The following SIK3 variants were observed in gnomAD, a reference collection of about 807,000 sequenced individuals.
The protein encoded by SIK3 is SIK family kinase 3.
Under a neutral mutation model 144.2 loss-of-function variants are expected in SIK3, and 28 were observed. The observed-to-expected ratio is 0.19, with a 90% CI of 0.14 to 0.27. The LOEUF (loss-of-function observed/expected upper bound fraction) is 0.27, where lower values mean the gene tolerates loss of function less well. Ranked by LOEUF, SIK3 falls within the 10% of genes least tolerant of loss-of-function variation. The probability of loss-of-function intolerance (pLI) is 1.00; values close to 1 mark genes in which losing one functional copy is unlikely to be tolerated. For synonymous variants in SIK3, 686 were observed against 676.3 expected (o/e 1.01, Z -0.22); for missense variants, 1,319 against 1,776.0 (o/e 0.74, Z 4.62).
At chr11:116,986,152 T>C (rs1179649194) in intron 1 of SIK3, among the ~76,000 whole-genome samples, 1 of 152,146 alleles carries the variant, frequency 6.6e-6, no homozygotes, top group Non-Finnish European at 1.5e-5. Flanking sequence ...TTCTAAAAAT[T>C]ATACTCTAAA....
At chr11:117,039,603 C>T (rs577432918) in intron 1 of SIK3, among the ~76,000 whole-genome samples, 12 of 152,212 alleles carry the variant, frequency 7.9e-5, no homozygotes, top group African/African-American at 2.6e-4. Flanking sequence ...TGACTAAAAT[C>T]GAAAGGTCCA....
At chr11:116,862,162 A>G in intron 17 of SIK3, 40 bp downstream of exon 17, 1 of 1,613,868 alleles carries the variant, frequency 6.2e-7, no homozygotes, top group East Asian at 2.2e-5. Flanking sequence ...CTGAAAGCAA[A>G]CTCCAAACAA....
chr11:117,047,453 T>C (rs543824253), intron 1 of SIK3, among the ~76,000 whole-genome samples: 4 of 152,298 alleles, frequency 2.6e-5, no homozygotes, highest in South Asian at 4.2e-4. Flanking sequence ...GAAGGTGGAC[T>C]AGCATTATAT....
At chr11:116,986,975 G>A (rs905634116) in intron 1 of SIK3, among the ~76,000 whole-genome samples, 5 of 152,178 alleles carry the variant, frequency 3.3e-5, no homozygotes, top group African/African-American at 1.2e-4. Context: ...AAGGGGAAAT[G>A]AGGAGTTGTT....
chr11:116,876,343 T>C lies in SIK3; in HGVS notation c.1005A>G (p.Gln335=), dbSNP rs1447828395. The change falls in exon 8 of 25, where the codon CAA becomes CAG. Residue 335 remains glutamine, a synonymous_variant. Transcript: ENST00000445177. ...NFDRLIAECQ[Q]LKEERQVDPL... ...GGTCCACCTGTCTTTCTTCCTTTAG[T>C]TGTTGGCATTCAGCTATTAACTGTA... is the stretch of plus-strand genomic sequence containing the variant. 6.2e-7 allele frequency: 1 copy of C among 1,614,190 alleles called. No individual in the cohort carries two copies. The highest frequency in any genetic ancestry group is 8.5e-7 in the Non-Finnish European group (1 of 1,179,996).
chr11:117,015,499 C>T (rs1370138812), intron 1 of SIK3, among the ~76,000 whole-genome samples: 5 of 152,094 alleles, frequency 3.3e-5, no homozygotes, highest in African/African-American at 9.7e-5. Flanking sequence ...GCAACCTCCA[C>T]CTCCTGGGTT....
intron 1 of SIK3, among the ~76,000 whole-genome samples, chr11:116,981,970 G>A (rs926511101): frequency 6.6e-6 from 1 of 152,230 alleles, no homozygotes; most frequent in African/African-American, 2.4e-5. Flanking sequence ...CTCACAGGTA[G>A]TATAAAATCT....
intron 1 of SIK3, among the ~76,000 whole-genome samples, chr11:117,050,254 A>G (rs1207463751): frequency 6.6e-6 from 1 of 152,128 alleles, no homozygotes; most frequent in Non-Finnish European, 1.5e-5. Context: ...GCGCCATTGC[A>G]CAACAGCCTG....
At chr11:117,020,652 G>T (rs1235582313) in intron 1 of SIK3, among the ~76,000 whole-genome samples, 2 of 152,094 alleles carry the variant, frequency 1.3e-5, no homozygotes, top group African/African-American at 4.8e-5. Flanking sequence ...ACCTAAAAGG[G>T]GGCATCCAGG....
At chr11:117,040,396 G>A (rs943726038) in intron 1 of SIK3, among the ~76,000 whole-genome samples, 2 of 152,174 alleles carry the variant, frequency 1.3e-5, no homozygotes, top group African/African-American at 4.8e-5. Context: ...TGTTAATAAT[G>A]TTACTAGGCA....
chr11:116,933,851 T>C (rs1343938594), intron 3 of SIK3, among the ~76,000 whole-genome samples: 1 of 152,218 alleles, frequency 6.6e-6, no homozygotes, highest in East Asian at 1.9e-4. Flanking sequence ...CTCATGACCT[T>C]TGACCTTACC....
chr11:117,011,147 T>C (rs571863287), intron 1 of SIK3, among the ~76,000 whole-genome samples: 3 of 151,632 alleles, frequency 2.0e-5, no homozygotes, highest in African/African-American at 4.8e-5. Context: ...ATCACCCTCC[T>C]CCTGAAAAAA....
intron 3 of SIK3, among the ~76,000 whole-genome samples, chr11:116,948,711 A>G (rs2135352143): frequency 6.6e-6 from 1 of 152,228 alleles, no homozygotes; most frequent in East Asian, 1.9e-4. Flanking sequence ...GATTTTTTCA[A>G]AGAACTATCT....
At chr11:116,897,113 T>G (rs762553136) in intron 5 of SIK3, 80 bp downstream of exon 5, 101 of 1,420,362 alleles carry the variant, frequency 7.1e-5, no homozygotes, top group Non-Finnish European at 9.6e-5. Context: ...TGCATCATTA[T>G]GTATCCTTCA....
chr11:116,887,626 AAC>A (rs1555082157), intron 6 of SIK3, among the ~76,000 whole-genome samples: 2 of 151,988 alleles, frequency 1.3e-5, no homozygotes, highest in African/African-American at 4.8e-5. Flanking sequence ...AAAAAAAAAA[AAC>A]AAGAGTCTGA....
intron 1 of SIK3, among the ~76,000 whole-genome samples, chr11:116,977,245 TCCC>T (rs1949979391): frequency 2.6e-5 from 2 of 77,082 alleles, no homozygotes; most frequent in African/African-American, 4.8e-5. Context: ...CCTCCCTCCC[TCCC>T]TTCCTTCCTT....
intron 1 of SIK3, among the ~76,000 whole-genome samples, chr11:117,032,782 C>T (rs745943364): frequency 2.0e-5 from 3 of 151,552 alleles, no homozygotes; most frequent in Non-Finnish European, 4.4e-5. Flanking sequence ...TATGAATATA[C>T]CACCATTTAT....
intron 13 of SIK3, among the ~76,000 whole-genome samples, chr11:116,872,368 C>T (rs1257313793): frequency 6.6e-6 from 1 of 152,226 alleles, no homozygotes; most frequent in African/African-American, 2.4e-5. Context: ...TTGCCCATCT[C>T]TGAATGCCTC....
At chr11:116,898,957 C>T (rs1428651748) in intron 4 of SIK3, among the ~76,000 whole-genome samples, 1 of 143,822 alleles carries the variant, frequency 7.0e-6, no homozygotes. Flanking sequence ...TTTTGCTGTG[C>T]AGAAGCTCTT....
Sources: gnomAD v4.1 joint callset for allele counts (sites outside exome capture counted in the v4.1 genomes callset) on GRCh38, gnomAD v4.1.1 for gene constraint, MANE v1.5 for transcripts, NCBI Gene and HGNC (gene_info 2026-07-23, HGNC 2026-07-21) for gene names.